The following LY6G6D variants were observed in gnomAD, a reference collection of about 807,000 sequenced individuals.
LY6G6D encodes lymphocyte antigen 6 complex locus protein G6d.
In LY6G6D, 5 loss-of-function variants were observed where a neutral mutation model predicts 8.5. The observed-to-expected ratio is 0.59, with a 90% CI of 0.31 to 1.24. LY6G6D has a LOEUF of 1.24. Ranked by LOEUF, LY6G6D falls within the 50% of genes most tolerant of loss-of-function variation. LY6G6D has a pLI of 0.07. For missense variants in LY6G6D, 154 were observed against 170.4 expected, an observed-to-expected ratio of 0.90 and a Z score of 0.53; for synonymous variants, 65 against 69.6, an observed-to-expected ratio of 0.93 and a Z score of 0.33.
In LY6G6D at chr6:31,716,113, A is replaced by C. The variant is rs1242429187; in HGVS notation, c.178+489A>C. On this transcript the variant is annotated intron_variant, in intron 2 of 2. Coordinates refer to ENST00000375825, the MANE Select transcript of LY6G6D (RefSeq NM_021246.4). The surrounding 1 kb of genome is among the most constrained non-coding windows in gnomAD (Gnocchi z 5.1). ...AGCACAATTATCAAAATCACAAAAT[A>C]ACTGATACAATACTACTAACTAATC... 6.6e-6 allele frequency among the ~76,000 whole-genome samples: 1 copy of C among 152,184 alleles called. No homozygotes were observed. The highest frequency in any genetic ancestry group is 2.1e-4 in the South Asian group (1 of 4,824).
At position 31,715,737 on chromosome 6, in the gene LY6G6D, C is replaced by T. The variant is rs1023813090; in HGVS notation, c.178+113C>T. 6.8e-6 allele frequency: 10 copies of T among 1,477,232 alleles called. No individual in the cohort carries two copies. The Middle Eastern group carries it at 1.3e-3, about 193-fold the overall frequency. 91.5% of individuals were successfully genotyped at this position (1,477,232 alleles called of 1,614,324 possible). A position where few individuals can be genotyped will look rare whatever the true frequency, so the allele number is the denominator to read the frequency against. On this transcript the variant is annotated intron_variant, in intron 2 of 2. Transcript: ENST00000375825. ...TCAGTCTGGCTCTGGGCAGATGGTG[C>T]AGCTGTTAGAGGAGAGCAGTCTGTA...
rs764481714 is a variant in LY6G6D, at chr6:31,717,474, AG to A, written c.179-102del. ...CTTGGTTTCAGGGAGGTGTTTTTTG[AG>A]GGGGCTGAAAATCCCTTTGGGCTCC... On this transcript the variant is annotated intron_variant, in intron 2 of 2. Coordinates refer to ENST00000375825, the MANE Select transcript of LY6G6D (RefSeq NM_021246.4). This position sits in a 1 kb window ranked among gnomAD's most constrained non-coding sequence, Gnocchi z 5.0. 1.5e-5 allele frequency: 24 copies of A among 1,609,758 alleles called. No individual in the cohort carries two copies. The East Asian group carries it at 3.6e-4, about 24-fold the overall frequency.
chr6:31,717,666 GA>G lies in LY6G6D; in HGVS notation c.265del (p.Thr89LeufsTer35). On this transcript the variant is annotated frameshift_variant, in exon 3 of 3. Coordinates refer to ENST00000375825, the MANE Select transcript of LY6G6D (RefSeq NM_021246.4). LOFTEE classifies it low-confidence loss of function (END_TRUNC). The surrounding 1 kb of genome is among the most constrained non-coding windows in gnomAD (Gnocchi z 5.0). Reference protein sequence around the residue: ...QVETESVGDVTYPAHRDCYLG... With the variant: ...QVETESVGDVXYPAHRDCYLG... ...TGGAGACAGAGTCGGTGGGAGACGT[GA>G]CTTATCCAGCCCACAGGGACTGCTA... 6.2e-7 allele frequency: 1 copy of G among 1,613,998 alleles called. No homozygotes were observed. The highest frequency in any genetic ancestry group is 8.5e-7 in the Non-Finnish European group (1 of 1,180,002).
chr6:31,715,561 G>T lies in LY6G6D; in HGVS notation c.115G>T (p.Val39Leu). The T allele has an allele frequency of 6.2e-7, 1 of 1,613,024 alleles. No individual in the cohort carries two copies. The highest frequency in any genetic ancestry group is 8.5e-7 in the Non-Finnish European group (1 of 1,180,020). The change falls in exon 2 of 3, where the codon GTG becomes TTG. Residue 39 changes from valine (V) to leucine (L), a missense_variant. Transcript: ENST00000375825. The part of the protein sequence containing the change: ...GSPSSSCKEA[V>L]TTCGEGRPQP... Reference sequence around the variant, plus strand: ...CCCCAGCAGTTCTTGCAAAGAGGCCGTGACCACCTGTGGCGAGGGCAGACC... The same window carrying T: ...CCCCAGCAGTTCTTGCAAAGAGGCCTTGACCACCTGTGGCGAGGGCAGACC...
chr6:31,716,574 C>T lies in LY6G6D; in HGVS notation c.178+950C>T, dbSNP rs925445619. Reference sequence around the variant, plus strand: ...GCTACAATGAGCCATGATCACGCCACTACACTCCAGCCTGGGGAACAAAAT... The same window carrying T: ...GCTACAATGAGCCATGATCACGCCATTACACTCCAGCCTGGGGAACAAAAT... On this transcript the variant is annotated intron_variant, in intron 2 of 2. Coordinates refer to ENST00000375825, the MANE Select transcript of LY6G6D (RefSeq NM_021246.4). This position sits in a 1 kb window ranked among gnomAD's most constrained non-coding sequence, Gnocchi z 5.1. Among the ~76,000 whole-genome samples the T allele has an allele frequency of 2.0e-5, 3 of 152,082 alleles. No homozygotes were observed. Among genetic ancestry groups the T allele is most frequent in the Non-Finnish European group, 4.4e-5 (3 of 68,004 alleles).
chr6:31,717,623 C>T lies in LY6G6D; in HGVS notation c.221C>T (p.Ala74Val). Residue 74 changes from alanine (A) to valine (V), a missense_variant, in exon 3 of 3, where the codon GCC (alanine) becomes GTC (valine). Physicochemically the swap from Ala to Val is moderately conservative, Grantham distance 64. Coordinates refer to ENST00000375825, the MANE Select transcript of LY6G6D (RefSeq NM_021246.4). The surrounding 1 kb of genome is among the most constrained non-coding windows in gnomAD (Gnocchi z 5.0). ...LIHQHPACVA[A>V]HHCNQVETES... The stretch of plus-strand genomic sequence containing the variant: ...CACCAACATCCAGCCTGCGTCGCAG[C>T]CCATCATTGCAATCAAGTGGAGACA... The T allele has an allele frequency of 6.2e-7, 1 of 1,614,204 alleles. No homozygotes were observed. Among genetic ancestry groups the T allele is most frequent in the Non-Finnish European group, 8.5e-7 (1 of 1,180,040 alleles).
Position 31,715,398 on chromosome 6 carries a change from G to A in LY6G6D, c.43G>A (p.Gly15Arg). ...FVGILLSSLL[G>R]AALGNRMRCY... ...TGGGATCTTGCTCAGCTCCCTGCTA[G>A]GGGCTGCCTTGGGTAAGGAGGCGGC... is the stretch of plus-strand genomic sequence containing the variant. Residue 15 changes from glycine (G) to arginine (R), a missense_variant, in exon 1 of 3, where the codon GGG (glycine) becomes AGG (arginine). By Grantham distance (125) the Gly-to-Arg change is moderately radical (BLOSUM62 -2). Transcript: ENST00000375825. The A allele has an allele frequency of 6.2e-7, 1 of 1,605,858 alleles. No homozygotes were observed.
At position 31,715,572 on chromosome 6, in the gene LY6G6D, T is replaced by C; in HGVS notation, c.126T>C (p.Cys42=). Residue 42 remains cysteine, a synonymous_variant, in exon 2 of 3, where the codon TGT becomes TGC. Coordinates refer to ENST00000375825, the MANE Select transcript of LY6G6D (RefSeq NM_021246.4). ...CTTGCAAAGAGGCCGTGACCACCTGTGGCGAGGGCAGACCCCAGCCAGGCC... is the reference window on the plus strand; with the variant it reads ...CTTGCAAAGAGGCCGTGACCACCTGCGGCGAGGGCAGACCCCAGCCAGGCC... ...SSSCKEAVTT[C]GEGRPQPGLE... The C allele has an allele frequency of 1.9e-6, 3 of 1,613,062 alleles. No homozygotes were observed. Among genetic ancestry groups the C allele is most frequent in the Non-Finnish European group, 2.5e-6 (3 of 1,180,016 alleles).
Position 31,717,763 on chromosome 6 carries a change from A to G in LY6G6D, c.361A>G (p.Thr121Ala). 6.2e-7 allele frequency: 1 copy of G among 1,613,838 alleles called. No individual in the cohort carries two copies. The highest frequency in any genetic ancestry group is 8.5e-7 in the Non-Finnish European group (1 of 1,180,016). ...APAGILAAAATALTCLLPGLW... is the reference protein window; with the variant it reads ...APAGILAAAAAALTCLLPGLW... ...TGCAGGCATTTTGGCTGCAGCAGCT[A>G]CCGCCCTGACCTGTCTCTTGCCAGG... is the stretch of plus-strand genomic sequence containing the variant. The change falls in exon 3 of 3, where the codon ACC becomes GCC. Residue 121 changes from threonine to alanine, a missense_variant. Thr to Ala is a moderately conservative substitution (Grantham distance 58, BLOSUM62 0). Transcript: ENST00000375825. The surrounding 1 kb of genome is among the most constrained non-coding windows in gnomAD (Gnocchi z 5.0).
rs536133313 is a variant in LY6G6D, at chr6:31,717,836, GCAAGGGAA to G, written c.*40_*47del. 214 of 1,586,832 alleles carry G rather than the reference GCAAGGGAA, an allele frequency of 1.3e-4. No individual in the cohort carries two copies. In the African/African-American group the frequency reaches 2.7e-3, roughly 20 times the overall value. On this transcript the variant is annotated 3_prime_UTR_variant, in exon 3 of 3. Coordinates refer to ENST00000375825, the MANE Select transcript of LY6G6D (RefSeq NM_021246.4). The surrounding 1 kb of genome is among the most constrained non-coding windows in gnomAD (Gnocchi z 5.0). ...TAGGAGTAGAGAAGGGAACAAGGGA[GCAAGGGAA>G]CAAGGGACATCTGAACATCTAATGT...
In LY6G6D at chr6:31,715,484, C is replaced by G; in HGVS notation, c.56-18C>G. ...CTCCACCGAGGGCCCAGGTCCAGCGCCTCTTTTCTCCTGCCAGGAAACCGA... is the reference window on the plus strand; with the variant it reads ...CTCCACCGAGGGCCCAGGTCCAGCGGCTCTTTTCTCCTGCCAGGAAACCGA... On this transcript the variant is annotated intron_variant, in intron 1 of 2. Transcript: ENST00000375825. 1 of 1,611,152 alleles carries G rather than the reference C, an allele frequency of 6.2e-7. No individual in the cohort carries two copies. Among genetic ancestry groups the G allele is most frequent in the African/African-American group, 1.3e-5 (1 of 75,032 alleles).
rs898965515 is a variant in LY6G6D at position 31,717,377 on chromosome 6, C to A, written c.179-204C>A. The A allele has an allele frequency of 2.3e-6, 3 of 1,282,304 alleles. No homozygotes were observed. The highest frequency in any genetic ancestry group is 2.5e-5 in the Admixed American group (1 of 40,606). The allele number at this position is 1,282,304 out of a possible 1,614,324, so 79.4% of individuals were successfully genotyped here. On this transcript the variant is annotated intron_variant, in intron 2 of 2. Transcript: ENST00000375825. The surrounding 1 kb of genome is among the most constrained non-coding windows in gnomAD (Gnocchi z 5.0). ...TCATGCATTTTAAGCAAGAATACTG[C>A]AGAAGTGATGTTGCATCCTTCTTGC...
chr6:31,715,680 T>A, intron 2 of LY6G6D, 56 bp downstream of exon 2: 3 of 1,594,720 alleles, frequency 1.9e-6, no homozygotes, highest in Non-Finnish European at 2.6e-6. Context: ...CAGCCCCATG[T>A]CAATCCTTCT....
rs1462615275 is a variant in LY6G6D, at chr6:31,715,379, C to G, written c.24C>G (p.Ile8Met). 1 of 1,604,040 alleles carries G rather than the reference C, an allele frequency of 6.2e-7. No homozygotes were observed. Among genetic ancestry groups the G allele is most frequent in the South Asian group, 1.1e-5 (1 of 90,226 alleles). Residue 8 changes from isoleucine to methionine, a missense_variant, in exon 1 of 3, where the codon ATC (isoleucine) becomes ATG (methionine). Ile to Met is a conservative substitution (Grantham distance 10). Coordinates refer to ENST00000375825, the MANE Select transcript of LY6G6D (RefSeq NM_021246.4). Reference protein sequence around the residue: MKPQFVGILLSSLLGAAL... With the variant: MKPQFVGMLLSSLLGAAL... ...CGATGAAACCCCAGTTTGTTGGGATCTTGCTCAGCTCCCTGCTAGGGGCTG... is the reference window on the plus strand; with the variant it reads ...CGATGAAACCCCAGTTTGTTGGGATGTTGCTCAGCTCCCTGCTAGGGGCTG...
chr6:31,717,101 T>A lies in LY6G6D; in HGVS notation c.179-480T>A, dbSNP rs1013615332. Among the ~76,000 whole-genome samples, 2 of 151,874 alleles carry A rather than the reference T, an allele frequency of 1.3e-5. No individual in the cohort carries two copies. Among genetic ancestry groups the A allele is most frequent in the Admixed American group, 1.3e-4 (2 of 15,226 alleles). On this transcript the variant is annotated intron_variant, in intron 2 of 2. Coordinates refer to ENST00000375825, the MANE Select transcript of LY6G6D (RefSeq NM_021246.4). The surrounding 1 kb of genome is among the most constrained non-coding windows in gnomAD (Gnocchi z 5.0). ...TCTCGTCTCTACTAAAAATACAAAA[T>A]TAGCCGGGTGTAGTGGTGCCCGCCT...
chr6:31,717,766 G>T lies in LY6G6D; in HGVS notation c.364G>T (p.Ala122Ser). ...AGGCATTTTGGCTGCAGCAGCTACC[G>T]CCCTGACCTGTCTCTTGCCAGGACT... ...PAGILAAAAT[A>S]LTCLLPGLWS... is the part of the protein sequence containing the mutation. Residue 122 changes from alanine (A) to serine (S), a missense_variant, in exon 3 of 3, where the codon GCC (alanine) becomes TCC (serine). By Grantham distance (99) the Ala-to-Ser change is moderately conservative (BLOSUM62 1). Transcript: ENST00000375825. The surrounding 1 kb of genome is among the most constrained non-coding windows in gnomAD (Gnocchi z 5.0). 10 of 1,613,724 alleles carry T rather than the reference G, an allele frequency of 6.2e-6. No individual in the cohort carries two copies. Among genetic ancestry groups the T allele is most frequent in the Non-Finnish European group, 8.5e-6 (10 of 1,180,014 alleles).
In LY6G6D at chr6:31,717,872, G is replaced by T; in HGVS notation, c.*68G>T. 1 of 1,535,688 alleles carries T rather than the reference G, an allele frequency of 6.5e-7. No homozygotes were observed. ...AGGGACATCTGAACATCTAATGTGA[G>T]AAGAGAAACATCCTTCTGTGAGTCA... is the stretch of plus-strand genomic sequence containing the variant. On this transcript the variant is annotated 3_prime_UTR_variant, in exon 3 of 3. Transcript: ENST00000375825. The surrounding 1 kb of genome is among the most constrained non-coding windows in gnomAD (Gnocchi z 5.0).
intron 1 of LY6G6D, 24 bp from the exon 2 acceptor site, chr6:31,715,478 C>T: frequency 6.2e-7 from 1 of 1,610,762 alleles, no homozygotes; most frequent in Non-Finnish European, 8.5e-7. Flanking sequence ...GGGCCCAGGT[C>T]CAGCGCCTCT....
chr6:31,717,447 C>A lies in LY6G6D; in HGVS notation c.179-134C>A, dbSNP rs1461284030. 6.9e-6 allele frequency: 11 copies of A among 1,602,134 alleles called. No homozygotes were observed. Among genetic ancestry groups the A allele is most frequent in the Non-Finnish European group, 6.8e-6 (8 of 1,173,902 alleles). On this transcript the variant is annotated intron_variant, in intron 2 of 2. Coordinates refer to ENST00000375825, the MANE Select transcript of LY6G6D (RefSeq NM_021246.4). The surrounding 1 kb of genome is among the most constrained non-coding windows in gnomAD (Gnocchi z 5.0). Reference sequence around the variant, plus strand: ...ACAAGGTCAATGCATTAACTTTGATCACTTGGTTTCAGGGAGGTGTTTTTT... The same window carrying A: ...ACAAGGTCAATGCATTAACTTTGATAACTTGGTTTCAGGGAGGTGTTTTTT...
Sources: allele counts gnomAD v4.1 joint callset (sites outside exome capture counted in the v4.1 genomes callset), GRCh38; gene constraint gnomAD v4.1.1; non-coding constraint Gnocchi (gnomAD v3.1); transcripts MANE v1.5; gene names NCBI Gene and HGNC (gene_info 2026-07-23, HGNC 2026-07-21).